The following RNF17 variants were observed in gnomAD, a reference collection of about 807,000 sequenced individuals.
The protein encoded by RNF17 is spermatogenesis associated 23.
In RNF17, 31 loss-of-function variants were observed where a neutral mutation model predicts 200.5. The ratio of observed to expected loss-of-function variants is 0.15; its 90% CI spans 0.12 to 0.21. RNF17 has a LOEUF of 0.21. RNF17 is among the 10% of genes least tolerant of loss of function. The pLI is 1.00. For synonymous variants in RNF17, 606 were observed against 637.8 expected (o/e 0.95, Z 0.75); for missense variants, 1,628 against 1,905.1 (o/e 0.85, Z 2.71).
At chr13:24,835,969 A>G (rs1219376385) in intron 18 of RNF17, among the ~76,000 whole-genome samples, 2 of 152,208 alleles carry the variant, frequency 1.3e-5, no homozygotes, top group Non-Finnish European at 2.9e-5. Flanking sequence ...ACAATCAAAA[A>G]TTGAGGAAAC....
In RNF17 at chr13:24,877,052, C is replaced by T; in HGVS notation, c.4639C>T (p.Leu1547Phe). ...GTATCCAGCTCGAGCCATAAAGGTTCTCTTGGCAGGGTTTAAACCTCCCTT... is the reference window on the plus strand; with the variant it reads ...GTATCCAGCTCGAGCCATAAAGGTTTTCTTGGCAGGGTTTAAACCTCCCTT... ...MRYPARAIKV[L>F]LAGFKPPLRD... The change falls in exon 34 of 36, where the codon CTC (leucine) becomes TTC (phenylalanine). Residue 1547 changes from leucine (L) to phenylalanine (F), a missense_variant. Coordinates refer to ENST00000255324, the MANE Select transcript of RNF17 (RefSeq NM_031277.3). 1.9e-6 allele frequency: 3 copies of T among 1,613,096 alleles called. No homozygotes were observed. The highest frequency in any genetic ancestry group is 2.5e-6 in the Non-Finnish European group (3 of 1,179,716).
At chr13:24,837,118 AAG>A (rs1368838250) in intron 18 of RNF17, among the ~76,000 whole-genome samples, 4 of 152,092 alleles carry the variant, frequency 2.6e-5, no homozygotes, top group Admixed American at 2.6e-4. Flanking sequence ...CAGCAGTTAA[AAG>A]AGAGAGAGAG....
chr13:24,868,562 C>T, intron 30 of RNF17, 38 bp from the exon 31 acceptor site: 1 of 961,370 alleles, frequency 1.0e-6, no homozygotes, highest in Non-Finnish European at 1.6e-6. Context: ...AGATTTTTGT[C>T]CTTATTCTGA....
At chr13:24,821,350 A>G (rs1344230823) in intron 15 of RNF17, among the ~76,000 whole-genome samples, 1 of 147,410 alleles carries the variant, frequency 6.8e-6, no homozygotes, top group African/African-American at 2.4e-5. Context: ...GGGGGAAGAT[A>G]CAAATCAACT....
At chr13:24,776,043 A>G (rs1190523083) in intron 3 of RNF17, among the ~76,000 whole-genome samples, 1 of 152,238 alleles carries the variant, frequency 6.6e-6, no homozygotes, top group Non-Finnish European at 1.5e-5. Flanking sequence ...TAAGTAGACT[A>G]TGCAAGAAAT....
chr13:24,778,377 A>G lies in RNF17; in HGVS notation c.400A>G (p.Thr134Ala), dbSNP rs1352108735. The G allele has an allele frequency of 6.2e-7, 1 of 1,612,432 alleles. No homozygotes were observed. The highest frequency in any genetic ancestry group is 8.5e-7 in the Non-Finnish European group (1 of 1,178,702). The change falls in exon 4 of 36, where the codon ACT (threonine) becomes GCT (alanine). Residue 134 changes from threonine (T) to alanine (A), a missense_variant. Physicochemically the swap from Thr to Ala is moderately conservative, Grantham distance 58. Around this residue, in one of 5 missense-constraint regions of RNF17, gnomAD observed 502 missense variants for 501.7 expected, o/e 1.00. Coordinates refer to ENST00000255324, the MANE Select transcript of RNF17 (RefSeq NM_031277.3). The stretch of plus-strand genomic sequence containing the variant: ...AGAACGTTCAGCCTCCACAGACAAG[A>G]CTCTTTTGAACTCATCAGCTGTAAT... ...GLERSASTDK[T>A]LLNSSAVMLD...
At chr13:24,875,214 T>C (rs1181811673) in intron 33 of RNF17, among the ~76,000 whole-genome samples, 19 of 152,204 alleles carry the variant, frequency 1.2e-4, no homozygotes, top group Non-Finnish European at 7.3e-5. Context: ...ACGTGAATTC[T>C]GCTCAAATTG....
downstream of RNF17, among the ~76,000 whole-genome samples, chr13:24,881,807 G>T (rs545882661): frequency 2.3e-5 from 2 of 86,112 alleles, no homozygotes; most frequent in South Asian, 7.7e-4. Flanking sequence ...TATATATCTA[G>T]ATATCTATCT....
chr13:24,879,125 T>G (rs1472803732), intron 34 of RNF17, 62 bp from the exon 35 acceptor site: 1 of 1,255,396 alleles, frequency 8.0e-7, no homozygotes, highest in African/African-American at 1.5e-5. Context: ...TGGCCAGATA[T>G]GAGAGGGAAA....
chr13:24,872,169 G>A (rs9511488), intron 32 of RNF17, among the ~76,000 whole-genome samples: 129,834 of 151,166 alleles, frequency 0.86, 55,825 homozygotes, highest in Middle Eastern at 0.93. Flanking sequence ...CATGTTGGTC[G>A]GGCTGGTCTC....
downstream of RNF17, among the ~76,000 whole-genome samples, chr13:24,881,615 AGC>A (rs1953819692): frequency 1.3e-5 from 2 of 151,448 alleles, no homozygotes; most frequent in Non-Finnish European, 2.9e-5. Flanking sequence ...TAGATTACAT[AGC>A]TATCTATAAT....
chr13:24,873,573 TC>T (rs1894526637), intron 32 of RNF17, among the ~76,000 whole-genome samples: 1 of 152,216 alleles, frequency 6.6e-6, no homozygotes, highest in Non-Finnish European at 1.5e-5. Flanking sequence ...TTTCAAGACT[TC>T]TAGTTAATCT....
the RNF17 span, chr13:24,885,646 G>C: frequency 6.2e-7 from 1 of 1,612,996 alleles, no homozygotes; most frequent in Non-Finnish European, 8.5e-7. Flanking sequence ...AGGAGGTGCA[G>C]ACTTGGATCT....
intron 15 of RNF17, among the ~76,000 whole-genome samples, chr13:24,814,757 G>A (rs995791232): frequency 4.6e-5 from 7 of 152,248 alleles, no homozygotes; most frequent in African/African-American, 1.7e-4. Flanking sequence ...TACTGTAGTT[G>A]TGTTGTAACT....
At chr13:24,841,862 A>C (rs1890674347) in intron 18 of RNF17, among the ~76,000 whole-genome samples, 179 bp from the exon 19 acceptor site, 1 of 152,060 alleles carries the variant, frequency 6.6e-6, no homozygotes, top group Non-Finnish European at 1.5e-5. Context: ...GCTACTCGGG[A>C]GGCTCAGGCA....
intron 11 of RNF17, among the ~76,000 whole-genome samples, chr13:24,798,538 C>G (rs1240440443): frequency 6.6e-6 from 1 of 152,164 alleles, no homozygotes; most frequent in Non-Finnish European, 1.5e-5. Flanking sequence ...TTACCAGATT[C>G]ATTTCCAAAA....
downstream of RNF17, chr13:24,883,006 A>ATCAT (rs1320402766): frequency 1.6e-6 from 1 of 630,944 alleles, no homozygotes; most frequent in East Asian, 2.8e-5. Context: ...AATGAGAGCT[A>ATCAT]TCATTGCATT....
rs117918228 is a variant in RNF17 at position 24,852,125 on chromosome 13, T to C, written c.3320+554T>C. 5.5e-3 allele frequency among the ~76,000 whole-genome samples: 767 copies of C among 140,580 alleles called. 17 individuals are homozygous for C. The East Asian group carries it at 0.084, about 15-fold the overall frequency. The allele number at this position is 140,580 out of a possible 152,430, so 92.2% of individuals were successfully genotyped here. On this transcript the variant is annotated intron_variant, in intron 24 of 35. Transcript: ENST00000255324. Reference sequence around the variant, plus strand: ...TGGTTGTGGCTCTAGCTTAATCTTTTCTCTCTCTCTCTTTTTTTTTTTTTT... The same window carrying C: ...TGGTTGTGGCTCTAGCTTAATCTTTCCTCTCTCTCTCTTTTTTTTTTTTTT...
chr13:24,874,085 T>C, intron 32 of RNF17, 29 bp from the exon 33 acceptor site: 3 of 1,603,004 alleles, frequency 1.9e-6, no homozygotes, highest in Non-Finnish European at 2.5e-6. Flanking sequence ...AAAGACAATA[T>C]GATTTTTTCC....
Sources: allele counts gnomAD v4.1 joint callset (sites outside exome capture counted in the v4.1 genomes callset), GRCh38; gene constraint gnomAD v4.1.1; regional missense constraint gnomAD v4.1.1; transcripts MANE v1.5; gene names NCBI Gene and HGNC (gene_info 2026-07-23, HGNC 2026-07-21).